The following GSE1 variants were observed in gnomAD, a reference collection of about 807,000 sequenced individuals.
The protein encoded by GSE1 is Gse1 coiled-coil protein.
A neutral mutation model predicts 112.6 loss-of-function variants in GSE1; 32 were observed. The ratio of observed to expected loss-of-function variants is 0.28; its 90% confidence interval spans 0.21 to 0.38. GSE1 has a LOEUF of 0.38. GSE1 is among the 10% of genes least tolerant of loss of function. GSE1 has a pLI of 1.00. For synonymous variants in GSE1, 1,115 were observed against 735.6 expected (o/e 1.52, Z -8.35); for missense variants, 2,348 against 1,699.2 (o/e 1.38, Z -6.71).
chr16:85,211,711 G>C (rs2075229016), intron 1 of GSE1, among the ~76,000 whole-genome samples: 1 of 152,188 alleles, frequency 6.6e-6, no homozygotes, highest in South Asian at 2.1e-4. Flanking sequence ...GGGCCAGGGT[G>C]CCCCATGGAG....
rs569244405 is a variant in GSE1 at position 85,419,355 on chromosome 16, A to G, written c.2464+61712A>G. ...TGGCCGGGCGTGGTGGCTCGTGCCT[A>G]TAATCCCAGCACTTTGGGAGGCTGA... On this transcript the variant is annotated intron_variant, in intron 2 of 2. Coordinates refer to the GSE1 transcript ENST00000637419. The surrounding 1 kb of genome is among the most constrained non-coding windows in gnomAD (Gnocchi z 6.5). Among the ~76,000 whole-genome samples the G allele has an allele frequency of 6.6e-4, 100 of 152,034 alleles. No individual in the cohort carries two copies. The highest frequency in any genetic ancestry group is 1.1e-3 in the Non-Finnish European group (77 of 68,004).
intron 2 of GSE1, among the ~76,000 whole-genome samples, chr16:85,502,802 T>C (rs916545214): frequency 6.6e-6 from 1 of 152,196 alleles, no homozygotes; most frequent in Non-Finnish European, 1.5e-5. Context: ...AGGGATCCTC[T>C]GAAACTTGAA....
intron 1 of GSE1, among the ~76,000 whole-genome samples, chr16:85,558,526 A>G (rs575414569): frequency 3.1e-4 from 47 of 152,202 alleles, no homozygotes; most frequent in Non-Finnish European, 6.3e-4. Flanking sequence ...GGGAAATTCA[A>G]AGCCATTAAG....
intron 1 of GSE1, among the ~76,000 whole-genome samples, chr16:85,340,380 C>T (rs933478797): frequency 3.9e-5 from 6 of 152,230 alleles, no homozygotes; most frequent in Non-Finnish European, 2.9e-5. Flanking sequence ...TGGCTCATGC[C>T]TGTAATCCCA....
In GSE1 at chr16:85,311,485, C is replaced by A. The variant is rs933789636; in HGVS notation, c.2284-45978C>A. ...ACGTGGGCGGAGCCCTCGGCTGCCT[C>A]CCACCGTGGGACATTGGGGAGGGAG... On this transcript the variant is annotated intron_variant, in intron 1 of 2. Coordinates refer to the GSE1 transcript ENST00000637419. The surrounding 1 kb of genome is among the most constrained non-coding windows in gnomAD (Gnocchi z 4.2). 6.6e-6 allele frequency among the ~76,000 whole-genome samples: 1 copy of A among 152,052 alleles called. No homozygotes were observed. The highest frequency in any genetic ancestry group is 1.5e-5 in the Non-Finnish European group (1 of 67,978).
At chr16:85,256,737 G>T (rs1362198057) in intron 1 of GSE1, among the ~76,000 whole-genome samples, 1 of 152,226 alleles carries the variant, frequency 6.6e-6, no homozygotes, top group Non-Finnish European at 1.5e-5. Flanking sequence ...CTGGGGTCTC[G>T]TCCCTCACTC....
intron 1 of GSE1, among the ~76,000 whole-genome samples, chr16:85,317,662 C>T (rs1359992178): frequency 6.6e-6 from 1 of 152,126 alleles, no homozygotes; most frequent in Non-Finnish European, 1.5e-5. Context: ...CCCTGCACAG[C>T]CCCCGAGGCC....
At chr16:85,607,051 T>G (rs1236340152), upstream of GSE1, among the ~76,000 whole-genome samples, 1 of 64,546 alleles carries the variant, frequency 1.5e-5, no homozygotes, top group African/African-American at 6.1e-5. Flanking sequence ...ATCTGGATAC[T>G]GGAGAGCCTG....
rs563710051 is a variant in GSE1 at position 85,661,296 on chromosome 16, G to A, written c.1791G>A (p.Thr597=). 3.7e-6 allele frequency: 6 copies of A among 1,612,744 alleles called. No homozygotes were observed. Among genetic ancestry groups the A allele is most frequent in the South Asian group, 2.2e-5 (2 of 91,076 alleles). The change falls in exon 9 of 16, where the codon ACG becomes ACA. Residue 597 remains threonine (T), a synonymous_variant. Transcript: ENST00000253458. ...CCCTGATGGACAACACCTTGGAGACGCGGCGGGCCGAAAGCCACTCTCTGC... is the reference window on the plus strand; with the variant it reads ...CCCTGATGGACAACACCTTGGAGACACGGCGGGCCGAAAGCCACTCTCTGC... ...PVSLMDNTLE[T]RRAESHSLHS...
chr16:85,205,922 C>T (rs1177867189), intron 1 of GSE1, among the ~76,000 whole-genome samples: 3 of 152,208 alleles, frequency 2.0e-5, no homozygotes, highest in Non-Finnish European at 4.4e-5. Context: ...AAGACAGAAA[C>T]GTGGTGTGCA....
chr16:85,551,274 C>T (rs941886694), upstream of GSE1, among the ~76,000 whole-genome samples: 1 of 152,232 alleles, frequency 6.6e-6, no homozygotes, highest in Non-Finnish European at 1.5e-5. Context: ...CAGAATCCCT[C>T]TGGTGTGAAG....
chr16:85,632,346 C>G (rs866592464), intron 1 of GSE1, among the ~76,000 whole-genome samples: 13 of 152,248 alleles, frequency 8.5e-5, no homozygotes, highest in African/African-American at 3.1e-4. Context: ...CCTCTCTGTT[C>G]TCTCATTTGC....
intron 1 of GSE1, among the ~76,000 whole-genome samples, chr16:85,203,885 G>T (rs2075071587): frequency 6.6e-6 from 1 of 152,132 alleles, no homozygotes; most frequent in East Asian, 1.9e-4. Context: ...CTACAGGTGT[G>T]CACCACCATG....
At chr16:85,547,254 A>G (rs945422530) in intron 2 of GSE1, among the ~76,000 whole-genome samples, 23 of 151,890 alleles carry the variant, frequency 1.5e-4, no homozygotes, top group Admixed American at 1.3e-3. Flanking sequence ...TGTGGCTGCT[A>G]TAACAAATTA....
intron 1 of GSE1, among the ~76,000 whole-genome samples, chr16:85,314,270 C>T (rs528036588): frequency 6.6e-6 from 1 of 152,190 alleles, no homozygotes; most frequent in Non-Finnish European, 1.5e-5. Flanking sequence ...ACCCTACACA[C>T]GTCTCGCCAA....
At chr16:85,641,671 G>C (rs1179786003) in intron 2 of GSE1, among the ~76,000 whole-genome samples, 1 of 152,258 alleles carries the variant, frequency 6.6e-6, no homozygotes, top group Non-Finnish European at 1.5e-5. Flanking sequence ...TGTGCGATGG[G>C]GACTTCACCT....
At chr16:85,658,722 C>G (rs2052180136) in intron 8 of GSE1, among the ~76,000 whole-genome samples, 1 of 152,228 alleles carries the variant, frequency 6.6e-6, no homozygotes, top group South Asian at 2.1e-4. Flanking sequence ...TCAGCCTTGC[C>G]TACTACCCAG....
chr16:85,269,957 G>A (rs74031760), intron 1 of GSE1, among the ~76,000 whole-genome samples: 7,341 of 149,638 alleles, frequency 0.049, 732 homozygotes, highest in African/African-American at 0.17. Flanking sequence ...TAGTGAGCCC[G>A]TGTTGCAGGT....
intron 1 of GSE1, among the ~76,000 whole-genome samples, chr16:85,279,532 G>T (rs911114612): frequency 4.6e-5 from 7 of 152,180 alleles, no homozygotes; most frequent in African/African-American, 1.4e-4. Context: ...GGAGGTGGAG[G>T]TTGCAGTGAG....
Sources: gnomAD v4.1 joint callset for allele counts (sites outside exome capture counted in the v4.1 genomes callset) on GRCh38, gnomAD v4.1.1 for gene constraint, Gnocchi (gnomAD v3.1) non-coding constraint, MANE v1.5 for transcripts, NCBI Gene and HGNC (gene_info 2026-07-23, HGNC 2026-07-21) for gene names.